UST: variants seen among roughly 807,000 people sequenced by gnomAD.
UST encodes chondroitin sulfate 2-O-sulfotransferase.
In UST, 21 loss-of-function variants were observed where a neutral mutation model predicts 45.6. That is an observed-to-expected ratio of 0.46 (90% confidence interval 0.33 to 0.66). The LOEUF is 0.66. UST is among the 30% of genes least tolerant of loss of function. The probability of loss-of-function intolerance (pLI) is 0.02; values close to 1 mark genes in which losing one functional copy is unlikely to be tolerated. For synonymous variants in UST, 215 were observed against 200.6 expected (o/e 1.07, Z -0.61); for missense variants, 463 against 512.4 (o/e 0.90, Z 0.93).
intron 1 of UST, among the ~76,000 whole-genome samples, chr6:148,797,756 G>A (rs547580208): frequency 7.9e-5 from 12 of 152,272 alleles, no homozygotes; most frequent in African/African-American, 2.9e-4. Context: ...TAGGAAGGAG[G>A]GAAGGAAGGC....
At chr6:148,932,693 A>T (rs1035752918) in intron 2 of UST, among the ~76,000 whole-genome samples, 15 of 152,216 alleles carry the variant, frequency 9.9e-5, no homozygotes, top group Non-Finnish European at 2.2e-4. Context: ...TAATCATTAC[A>T]TCTAGAAAAT....
In UST at chr6:148,987,449, G is replaced by A. The variant is rs531765019; in HGVS notation, c.681+22886G>A. ...ATGGCCCTGAGACTTCAGAAGACTC[G>A]GGTCTTAGGCTCACTGCAGACTGTG... On this transcript the variant is annotated intron_variant, in intron 5 of 7. Transcript: ENST00000367463. Among the ~76,000 whole-genome samples, 260 of 152,172 alleles carry A rather than the reference G, an allele frequency of 1.7e-3. 1 individual carries two copies. Among genetic ancestry groups the A allele is most frequent in the African/African-American group, 5.9e-3 (243 of 41,524 alleles).
At chr6:148,938,598 T>C (rs1184118389) in intron 2 of UST, among the ~76,000 whole-genome samples, 1 of 152,156 alleles carries the variant, frequency 6.6e-6, no homozygotes, top group Non-Finnish European at 1.5e-5. Context: ...TATTTAGTTT[T>C]GAGCTTTTTA....
chr6:148,788,146 C>T (rs1027049415), intron 1 of UST, among the ~76,000 whole-genome samples: 3 of 152,086 alleles, frequency 2.0e-5, no homozygotes, highest in Non-Finnish European at 4.4e-5. Flanking sequence ...CCAAGCGAAA[C>T]GGGTTTCTTC....
Position 149,051,480 on chromosome 6 carries a change from T to G in UST, c.938-22353T>G, listed in dbSNP as rs147979094. ...TGGTCCTGATTTTTCTAACACCAATTCAGGGGCATCATTGGGTCTTTTGAC... is the reference window on the plus strand; with the variant it reads ...TGGTCCTGATTTTTCTAACACCAATGCAGGGGCATCATTGGGTCTTTTGAC... On this transcript the variant is annotated intron_variant, in intron 7 of 7. Transcript: ENST00000367463. Among the ~76,000 whole-genome samples, 49 of 152,348 alleles carry G rather than the reference T, an allele frequency of 3.2e-4. 1 individual carries two copies. In the South Asian group the frequency reaches 4.8e-3, roughly 15 times the overall value.
rs545563881 is a variant in UST, at chr6:148,849,863, G to A, written c.248-37123G>A. ...AGCCAAACCGTATCAGATGCAGACC[G>A]AAAGAGCAATTTTATTTTAGTTACA... is the stretch of plus-strand genomic sequence containing the variant. On this transcript the variant is annotated intron_variant, in intron 1 of 7. Transcript: ENST00000367463. 6.6e-5 allele frequency among the ~76,000 whole-genome samples: 10 copies of A among 152,210 alleles called. No homozygotes were observed. In the East Asian group the frequency reaches 1.2e-3, roughly 18 times the overall value.
chr6:148,965,714 G>C lies in UST; in HGVS notation c.681+1151G>C, dbSNP rs753232881. Among the ~76,000 whole-genome samples, 10 of 152,154 alleles carry C rather than the reference G, an allele frequency of 6.6e-5. 1 individual carries two copies. Among genetic ancestry groups the C allele is most frequent in the Non-Finnish European group, 1.2e-4 (8 of 68,022 alleles). On this transcript the variant is annotated intron_variant, in intron 5 of 7. Transcript: ENST00000367463. Reference sequence around the variant, plus strand: ...GTAGAGAAAACTGAGATACAGAGAAGTTAGTGTCTCAGCCAGGGCCAGACG... The same window carrying C: ...GTAGAGAAAACTGAGATACAGAGAACTTAGTGTCTCAGCCAGGGCCAGACG...
intron 1 of UST, among the ~76,000 whole-genome samples, chr6:148,856,367 C>T (rs1288508145): frequency 6.6e-6 from 1 of 152,164 alleles, no homozygotes; most frequent in African/African-American, 2.4e-5. Context: ...GAAACGTTCA[C>T]AAAGATGATT....
At chr6:148,951,028 G>A (rs1780353762) in intron 3 of UST, among the ~76,000 whole-genome samples, 1 of 152,206 alleles carries the variant, frequency 6.6e-6, no homozygotes, top group Non-Finnish European at 1.5e-5. Flanking sequence ...AGACACACAA[G>A]GAGTAGCAGA....
At chr6:148,889,683 T>A (rs1778978666) in intron 2 of UST, among the ~76,000 whole-genome samples, 1 of 152,198 alleles carries the variant, frequency 6.6e-6, no homozygotes, top group Admixed American at 6.5e-5. Flanking sequence ...ACCCTTTTTT[T>A]ATGAACTTGC....
At chr6:148,885,692 T>C (rs1778899926) in intron 1 of UST, among the ~76,000 whole-genome samples, 1 of 152,218 alleles carries the variant, frequency 6.6e-6, no homozygotes, top group African/African-American at 2.4e-5. Flanking sequence ...TGACTCAGTA[T>C]GGAAAAACCT....
chr6:148,867,955 T>C (rs1778478109), intron 1 of UST, among the ~76,000 whole-genome samples: 1 of 152,160 alleles, frequency 6.6e-6, no homozygotes, highest in African/African-American at 2.4e-5. Context: ...TGGAAGATCA[T>C]CCTGTGCCTC....
intron 1 of UST, among the ~76,000 whole-genome samples, chr6:148,802,841 C>A (rs747738015): frequency 6.6e-6 from 1 of 152,084 alleles, no homozygotes; most frequent in Non-Finnish European, 1.5e-5. Flanking sequence ...TTGAGCAGAA[C>A]GGTAGACCCA....
At chr6:148,955,731 C>A (rs115772236) in intron 4 of UST, 1 of 152,254 alleles carries the variant, frequency 6.6e-6, no homozygotes, top group Non-Finnish European at 1.5e-5. Context: ...GCTGTTCTAG[C>A]GCGTTTCCTT....
At chr6:148,887,794 TAAG>T (rs1426524773) in intron 2 of UST, among the ~76,000 whole-genome samples, 3 of 152,132 alleles carry the variant, frequency 2.0e-5, no homozygotes, top group Admixed American at 6.5e-5. Context: ...CTTGGCAAAA[TAAG>T]AAGTTGGCAA....
At chr6:149,062,781 G>T (rs975612969) in intron 7 of UST, among the ~76,000 whole-genome samples, 1 of 152,224 alleles carries the variant, frequency 6.6e-6, no homozygotes, top group Non-Finnish European at 1.5e-5. Context: ...ACAGCCTTGA[G>T]CTGGTCTTGT....
chr6:149,016,272 C>A (rs778588232), intron 5 of UST, among the ~76,000 whole-genome samples: 1 of 152,206 alleles, frequency 6.6e-6, no homozygotes. Context: ...AAATTGACCT[C>A]GTGAGGTTAT....
At chr6:148,969,858 G>C (rs1248648544) in intron 5 of UST, among the ~76,000 whole-genome samples, 1 of 152,174 alleles carries the variant, frequency 6.6e-6, no homozygotes, top group African/African-American at 2.4e-5. Flanking sequence ...AACAGCTGGA[G>C]ATGTGTTTTG....
At position 149,066,686 on chromosome 6, in the gene UST, G is replaced by A. The variant is rs570214944; in HGVS notation, c.938-7147G>A. Among the ~76,000 whole-genome samples, 8 of 152,174 alleles carry A rather than the reference G, an allele frequency of 5.3e-5. No individual in the cohort carries two copies. In the South Asian group the frequency reaches 1.7e-3, roughly 32 times the overall value. ...CGAGACAATCTGTTGTTATTGGAGG[G>A]GTAACAGGAAAAGCTTCTCCTCCAC... On this transcript the variant is annotated intron_variant, in intron 7 of 7. Coordinates refer to ENST00000367463, the MANE Select transcript of UST (RefSeq NM_005715.3).
Sources: gnomAD v4.1 joint callset for allele counts (sites outside exome capture counted in the v4.1 genomes callset) on GRCh38, gnomAD v4.1.1 for gene constraint, MANE v1.5 for transcripts, NCBI Gene and HGNC (gene_info 2026-07-23, HGNC 2026-07-21) for gene names.